HDAC9: variants seen among roughly 807,000 people sequenced by gnomAD.
HDAC9 encodes histone deacetylase 9, also known as MEF-2 interacting transcription repressor (MITR) protein.
In HDAC9, 41 loss-of-function variants were observed where a neutral mutation model predicts 139.4. The ratio of observed to expected loss-of-function variants is 0.29; its 90% CI spans 0.23 to 0.38. The LOEUF (loss-of-function observed/expected upper bound fraction) is 0.38. HDAC9 is among the 10% of genes least tolerant of loss of function. The probability of loss-of-function intolerance (pLI) is 1.00; values close to 1 mark genes in which losing one functional copy is unlikely to be tolerated. For synonymous variants in HDAC9, 517 were observed against 476.2 expected, an observed-to-expected ratio of 1.09 and a Z score of -1.12; for missense variants, 1,147 against 1,297.0, an observed-to-expected ratio of 0.88 and a Z score of 1.78.
chr7:18,381,198 CAAAAAAAA>C (rs60825586), intron 1 of HDAC9, among the ~76,000 whole-genome samples: 5 of 73,340 alleles, frequency 6.8e-5, no homozygotes, highest in African/African-American at 2.9e-4. Context: ...GACTCTGTCT[CAAAAAAAA>C]AAAAAAAAAA....
At chr7:18,328,314 G>A (rs1800627052) in intron 1 of HDAC9, among the ~76,000 whole-genome samples, 1 of 151,940 alleles carries the variant, frequency 6.6e-6, no homozygotes, top group African/African-American at 2.4e-5. Flanking sequence ...TTTCTAGGGT[G>A]TAGATCTTAG....
intron 6 of HDAC9, among the ~76,000 whole-genome samples, chr7:18,598,514 C>T (rs913298613): frequency 6.6e-6 from 1 of 152,102 alleles, no homozygotes; most frequent in South Asian, 2.1e-4. Context: ...CTCTAGGCCA[C>T]GATTCCCTCA....
intron 2 of HDAC9, among the ~76,000 whole-genome samples, chr7:18,550,039 T>C (rs886391572): frequency 6.6e-6 from 1 of 152,110 alleles, no homozygotes; most frequent in Non-Finnish European, 1.5e-5. Flanking sequence ...TTTTTACCAT[T>C]TTCAACTCAA....
At chr7:18,256,918 T>C (rs1214844190) in intron 2 of HDAC9, among the ~76,000 whole-genome samples, 1 of 151,398 alleles carries the variant, frequency 6.6e-6, no homozygotes, top group Non-Finnish European at 1.5e-5. Context: ...TAAGGCCACA[T>C]CTCTACAAAA....
chr7:18,721,493 G>C (rs1366434907), intron 12 of HDAC9, among the ~76,000 whole-genome samples: 2 of 151,864 alleles, frequency 1.3e-5, no homozygotes, highest in African/African-American at 4.8e-5. Flanking sequence ...CTTCTTTAAA[G>C]TGTTAAAACA....
chr7:18,634,032 GTAGAGT>G (rs920866455), intron 7 of HDAC9, among the ~76,000 whole-genome samples: 12 of 152,180 alleles, frequency 7.9e-5, no homozygotes, highest in Middle Eastern at 3.4e-3. Flanking sequence ...AATAAGTTGA[GTAGAGT>G]TAAAGTCAGA....
rs199979206 is a variant in HDAC9, at chr7:18,585,393, A to G, written c.135A>G (p.Gln45=). ...PVVDPVVREK[Q]LQQELLLIQQ... is the part of the protein sequence containing the mutation. Reference sequence around the variant, plus strand: ...TGGACCCTGTTGTCCGTGAGAAGCAATTGCAGCAGGAATTACTTCTTATCC... The same window carrying G: ...TGGACCCTGTTGTCCGTGAGAAGCAGTTGCAGCAGGAATTACTTCTTATCC... The change falls in exon 3 of 26, where the codon CAA becomes CAG. Residue 45 remains glutamine (Q), a synonymous_variant. Coordinates refer to ENST00000686413, the MANE Select transcript of HDAC9 (RefSeq NM_178425.4). 3.8e-5 allele frequency: 62 copies of G among 1,613,940 alleles called. No homozygotes were observed. In the East Asian group the frequency reaches 1.2e-3, roughly 32 times the overall value.
chr7:18,431,628 C>T (rs1218727106), intron 1 of HDAC9, among the ~76,000 whole-genome samples: 1 of 152,188 alleles, frequency 6.6e-6, no homozygotes, highest in African/African-American at 2.4e-5. Context: ...ATGCAAATAT[C>T]ATTGCTACTA....
intron 21 of HDAC9, among the ~76,000 whole-genome samples, chr7:18,850,276 T>C (rs1797193345): frequency 6.6e-6 from 1 of 152,180 alleles, no homozygotes; most frequent in South Asian, 2.1e-4. Context: ...CATTGATTCT[T>C]ATTCCAACGA....
intron 16 of HDAC9, among the ~76,000 whole-genome samples, chr7:18,792,965 G>A (rs1792459354): frequency 6.6e-6 from 1 of 152,106 alleles, no homozygotes; most frequent in African/African-American, 2.4e-5. Context: ...AGTGCTCTTA[G>A]TTTTTACTCT....
intron 13 of HDAC9, among the ~76,000 whole-genome samples, chr7:18,730,477 C>T (rs1785947992): frequency 1.3e-5 from 2 of 152,300 alleles, no homozygotes; most frequent in African/African-American, 4.8e-5. Context: ...TCTAAAGGAA[C>T]ATTCACCTAT....
At chr7:18,358,644 G>T (rs757481270) in intron 1 of HDAC9, among the ~76,000 whole-genome samples, 3 of 152,228 alleles carry the variant, frequency 2.0e-5, no homozygotes, top group Non-Finnish European at 2.9e-5. Context: ...TGATATCATT[G>T]TTAGGAACTT....
chr7:18,132,562 C>T (rs917584088), intron 1 of HDAC9, among the ~76,000 whole-genome samples: 6 of 152,058 alleles, frequency 3.9e-5, no homozygotes, highest in Admixed American at 1.3e-4. Flanking sequence ...GCACATACTA[C>T]CACACCTGGC....
intron 17 of HDAC9, among the ~76,000 whole-genome samples, chr7:18,812,618 T>C (rs1158656285): frequency 6.6e-6 from 1 of 151,972 alleles, no homozygotes; most frequent in Non-Finnish European, 1.5e-5. Flanking sequence ...TGTAGTTTAA[T>C]GATTAGGTAG....
chr7:18,300,851 A>G (rs1798493420), intron 1 of HDAC9, among the ~76,000 whole-genome samples: 2 of 152,178 alleles, frequency 1.3e-5, no homozygotes, highest in South Asian at 4.1e-4. Context: ...TAGGAAAAAT[A>G]TAATTATTGT....
intron 2 of HDAC9, among the ~76,000 whole-genome samples, chr7:18,536,984 T>A (rs142226795): frequency 9.8e-5 from 15 of 152,354 alleles, no homozygotes; most frequent in African/African-American, 3.6e-4. Flanking sequence ...GAAATTAGTT[T>A]ACTAGAATAT....
At chr7:18,737,269 C>T (rs948074630) in intron 13 of HDAC9, among the ~76,000 whole-genome samples, 1 of 152,158 alleles carries the variant, frequency 6.6e-6, no homozygotes, top group Non-Finnish European at 1.5e-5. Flanking sequence ...TTCTTGCTTT[C>T]CGCTAGCTTT....
intron 6 of HDAC9, among the ~76,000 whole-genome samples, chr7:18,602,843 G>T (rs1311356867): frequency 6.6e-6 from 1 of 151,936 alleles, no homozygotes; most frequent in Non-Finnish European, 1.5e-5. Flanking sequence ...TGTTCCTTTA[G>T]ATTTGTTGAG....
intron 1 of HDAC9, among the ~76,000 whole-genome samples, chr7:18,472,476 T>A (rs1794799674): frequency 6.6e-6 from 1 of 152,232 alleles, no homozygotes; most frequent in Non-Finnish European, 1.5e-5. Flanking sequence ...AGTCTGCAAC[T>A]ACTGACAGGT....
Sources: allele counts gnomAD v4.1 joint callset (sites outside exome capture counted in the v4.1 genomes callset), GRCh38; gene constraint gnomAD v4.1.1; transcripts MANE v1.5; gene names NCBI Gene and HGNC (gene_info 2026-07-23, HGNC 2026-07-21).